Variants in TTC7A observed in about 807,000 individuals in gnomAD.
The protein encoded by TTC7A is tetratricopeptide repeat protein 7A.
TTC7A carries 110 observed loss-of-function variants against 103.7 expected under a neutral mutation model. That is an observed-to-expected ratio of 1.06 (90% CI 0.91 to 1.24). TTC7A has a LOEUF of 1.24. TTC7A is among the 50% of genes most tolerant of loss of function. The pLI is 0.00. For missense variants in TTC7A, 1,340 were observed against 1,116.3 expected (o/e 1.20, Z -2.86); for synonymous variants, 521 against 467.9 (o/e 1.11, Z -1.47).
At chr2:47,002,234 G>A (rs113774634) in intron 8 of TTC7A, among the ~76,000 whole-genome samples, 7 of 152,224 alleles carry the variant, frequency 4.6e-5, no homozygotes, top group African/African-American at 1.7e-4. Flanking sequence ...TAAATGCATG[G>A]ATTAAACGGA....
At chr2:46,987,620 G>A (rs1034314674) in intron 5 of TTC7A, among the ~76,000 whole-genome samples, 2 of 152,170 alleles carry the variant, frequency 1.3e-5, no homozygotes, top group Non-Finnish European at 2.9e-5. Context: ...AGCTTGGGCC[G>A]TGCACATTGA....
intron 9 of TTC7A, 102 bp downstream of exon 9, chr2:47,006,161 C>A: frequency 6.8e-7 from 1 of 1,467,310 alleles, no homozygotes; most frequent in Non-Finnish European, 9.2e-7. Context: ...CATTCCCCTG[C>A]CAGGCTGCTC....
At chr2:47,000,018 AC>A in intron 8 of TTC7A, 1 of 547,756 alleles carries the variant, frequency 1.8e-6, no homozygotes, top group Non-Finnish European at 2.3e-6. Flanking sequence ...TGAGCTTCTT[AC>A]CACCCTGAGC....
At position 47,060,980 on chromosome 2, in the gene TTC7A, G is replaced by C; in HGVS notation, c.2355+9G>C. The C allele has an allele frequency of 6.3e-7, 1 of 1,592,178 alleles. No individual in the cohort carries two copies. The highest frequency in any genetic ancestry group is 1.1e-5 in the South Asian group (1 of 89,294). ...GCATCATGCATAGCCTGGTGAGTCA[G>C]AGCCCCCCGCGCTCCCACCACCTCC... On this transcript the variant is annotated intron_variant, in intron 19 of 19. Transcript: ENST00000319190.
chr2:46,951,946 G>A (rs554361853), intron 2 of TTC7A, among the ~76,000 whole-genome samples: 7 of 152,228 alleles, frequency 4.6e-5, no homozygotes, highest in Non-Finnish European at 4.4e-5. Context: ...AAGCAAGTCT[G>A]AGGGGGATGC....
In TTC7A at chr2:47,050,042, C is replaced by T. The variant is rs1682715945; in HGVS notation, c.2013C>T (p.Asp671=). Residue 671 remains aspartate (D), a synonymous_variant, in exon 17 of 20, where the codon GAC becomes GAT. Coordinates refer to ENST00000319190, the MANE Select transcript of TTC7A (RefSeq NM_020458.4). The part of the protein sequence containing the change: ...HLTLPDAHDA[D]SGSRRASSIA... Reference sequence around the variant, plus strand: ...CTTTGCCTGATGCCCATGATGCAGACTCTGGTAAGAACGAGCTCCTTGGGC... The same window carrying T: ...CTTTGCCTGATGCCCATGATGCAGATTCTGGTAAGAACGAGCTCCTTGGGC... 1.2e-6 allele frequency: 2 copies of T among 1,613,444 alleles called. No individual in the cohort carries two copies. Among genetic ancestry groups the T allele is most frequent in the African/African-American group, 1.3e-5 (1 of 75,056 alleles).
chr2:46,933,860 G>C (rs1406586577), intron 2 of TTC7A, among the ~76,000 whole-genome samples: 1 of 152,216 alleles, frequency 6.6e-6, no homozygotes, highest in African/African-American at 2.4e-5. Context: ...GCACTGGTCA[G>C]AAATCTAGCA....
chr2:47,047,269 CTT>C (rs1682420099), intron 16 of TTC7A: 1 of 1,546,758 alleles, frequency 6.5e-7, no homozygotes, highest in Non-Finnish European at 8.7e-7. Context: ...TTCACAGAGA[CTT>C]TAGGAGCCCA....
chr2:46,980,707 A>C (rs1674362108), intron 5 of TTC7A, among the ~76,000 whole-genome samples: 4 of 152,170 alleles, frequency 2.6e-5, no homozygotes, highest in Admixed American at 2.6e-4. Context: ...ACAGAGGCTC[A>C]GTCCCATGAA....
chr2:47,029,441 C>A, intron 15 of TTC7A, 57 bp downstream of exon 15: 1 of 1,580,722 alleles, frequency 6.3e-7, no homozygotes, highest in Non-Finnish European at 8.7e-7. Context: ...CTGCAGCAGG[C>A]GCCCATGCAC....
At chr2:46,927,878 T>C (rs1003070087) in intron 2 of TTC7A, among the ~76,000 whole-genome samples, 4 of 149,286 alleles carry the variant, frequency 2.7e-5, no homozygotes, top group African/African-American at 1.0e-4. Context: ...TTGGGGTTTT[T>C]TTGGTGTTTT....
chr2:46,957,824 C>T (rs896873467), intron 3 of TTC7A, among the ~76,000 whole-genome samples: 1 of 152,200 alleles, frequency 6.6e-6, no homozygotes, highest in Non-Finnish European at 1.5e-5. Context: ...TTGATCGTCT[C>T]CCTAGTGCAG....
Position 46,941,797 on chromosome 2 carries a change from C to A in TTC7A, c.184+72C>A. On this transcript the variant is annotated intron_variant, in intron 1 of 19. Coordinates refer to ENST00000319190, the MANE Select transcript of TTC7A (RefSeq NM_020458.4). The surrounding 1 kb of genome is among the most constrained non-coding windows in gnomAD (Gnocchi z 4.2). ...GCACCGCCTCCTCCAGGAAGCGCGC[C>A]CAGACAGTCCTCGGCCGACAGCGGG... The A allele has an allele frequency of 6.5e-7, 1 of 1,533,794 alleles. No homozygotes were observed. Among genetic ancestry groups the A allele is most frequent in the Non-Finnish European group, 8.8e-7 (1 of 1,135,926 alleles).
At chr2:46,965,922 A>C (rs140431827) in intron 3 of TTC7A, among the ~76,000 whole-genome samples, 22 of 151,242 alleles carry the variant, frequency 1.5e-4, no homozygotes, top group African/African-American at 4.9e-4. Context: ...GGTTATTGTG[A>C]GCATCACTTG....
chr2:47,009,514 G>A (rs543379877), intron 10 of TTC7A, among the ~76,000 whole-genome samples: 1 of 152,282 alleles, frequency 6.6e-6, no homozygotes, highest in South Asian at 2.1e-4. Context: ...TATCACGTCT[G>A]GGTTGAGAAA....
At chr2:46,964,064 G>T (rs1170491903) in intron 3 of TTC7A, among the ~76,000 whole-genome samples, 1 of 152,218 alleles carries the variant, frequency 6.6e-6, no homozygotes, top group Non-Finnish European at 1.5e-5. Flanking sequence ...TTCACCTCAG[G>T]TTACACCAGT....
intron 3 of TTC7A, among the ~76,000 whole-genome samples, chr2:46,969,269 C>T (rs60993212): frequency 6.6e-6 from 1 of 151,700 alleles, no homozygotes; most frequent in Admixed American, 6.6e-5. Context: ...TTTGGGAGGC[C>T]GAGGCGGGTG....
chr2:46,983,349 G>A (rs934165065), intron 5 of TTC7A, among the ~76,000 whole-genome samples: 2 of 152,296 alleles, frequency 1.3e-5, no homozygotes, highest in East Asian at 1.9e-4. Context: ...ATCCTTTTTC[G>A]GTTGCTGAGC....
In TTC7A at chr2:46,956,927, G is replaced by T. The variant is rs61746139; in HGVS notation, c.437G>T (p.Arg146Leu). The T allele has an allele frequency of 6.4e-3, 10,263 of 1,614,206 alleles. 58 individuals are homozygous for T. The highest frequency in any genetic ancestry group is 7.9e-3 in the Non-Finnish European group (9,292 of 1,180,042). The change falls in exon 3 of 20, where the codon CGG (arginine) becomes CTG (leucine). Residue 146 changes from arginine to leucine, a missense_variant. By Grantham distance (102) the Arg-to-Leu change is moderately radical (BLOSUM62 -2). Coordinates refer to ENST00000319190, the MANE Select transcript of TTC7A (RefSeq NM_020458.4). ...CGAGATGCCATCAGCATGTACGCAC[G>T]GGCCGGGATTGATGACATGTCCATG... ...SYRDAISMYA[R>L]AGIDDMSMEN...
Sources: allele counts gnomAD v4.1 joint callset (sites outside exome capture counted in the v4.1 genomes callset), GRCh38; gene constraint gnomAD v4.1.1; non-coding constraint Gnocchi (gnomAD v3.1); transcripts MANE v1.5; gene names NCBI Gene and HGNC (gene_info 2026-07-23, HGNC 2026-07-21).